Variants in STPG2 observed in about 807,000 individuals in gnomAD.
STPG2 encodes sperm-tail PG-rich repeat-containing protein 2.
Under a neutral mutation model 54.2 loss-of-function variants are expected in STPG2, and 56 were observed. The ratio of observed to expected loss-of-function variants is 1.03; its 90% confidence interval spans 0.83 to 1.29. STPG2 has a LOEUF of 1.29. Ranked by LOEUF, STPG2 falls within the 50% of genes most tolerant of loss-of-function variation. The probability of loss-of-function intolerance (pLI) is 0.00; values close to 1 mark genes in which losing one functional copy is unlikely to be tolerated. For synonymous variants in STPG2, 200 were observed against 181.8 expected, an observed-to-expected ratio of 1.10 and a Z score of -0.81; for missense variants, 596 against 544.9, an observed-to-expected ratio of 1.09 and a Z score of -0.93.
At chr4:98,012,037 G>A (rs868197708) in intron 5 of STPG2, among the ~76,000 whole-genome samples, 1 of 152,292 alleles carries the variant, frequency 6.6e-6, no homozygotes, top group Middle Eastern at 3.4e-3. Context: ...CCATGCCAAG[G>A]TCCTGAATGA....
intron 2 of STPG2, among the ~76,000 whole-genome samples, chr4:98,130,183 T>G (rs1046215322): frequency 3.3e-5 from 5 of 151,224 alleles, no homozygotes; most frequent in African/African-American, 1.2e-4. Flanking sequence ...AATATAATTT[T>G]TGGAGGGCGG....
intron 8 of STPG2, among the ~76,000 whole-genome samples, chr4:97,866,028 G>T (rs945843982): frequency 6.6e-6 from 1 of 151,748 alleles, no homozygotes; most frequent in Non-Finnish European, 1.5e-5. Context: ...CTTATTTGTG[G>T]GAGCTAAAAA....
chr4:97,587,332 G>T (rs950837446), intron 10 of STPG2, among the ~76,000 whole-genome samples: 1 of 151,812 alleles, frequency 6.6e-6, no homozygotes, highest in African/African-American at 2.4e-5. Flanking sequence ...TACCATTGTA[G>T]CCCACATTAC....
At chr4:97,447,348 C>A (rs1729249169) in intron 4 of STPG2, among the ~76,000 whole-genome samples, 1 of 152,158 alleles carries the variant, frequency 6.6e-6, no homozygotes, top group Non-Finnish European at 1.5e-5. Context: ...AAGCCATCTG[C>A]AGAAATTTGC....
At chr4:98,037,960 G>GATAT (rs1048762577) in intron 5 of STPG2, among the ~76,000 whole-genome samples, 34 of 152,224 alleles carry the variant, frequency 2.2e-4, no homozygotes, top group Admixed American at 9.8e-4. Flanking sequence ...TAAACAGAGA[G>GATAT]ATATAGCATG....
chr4:97,768,211 A>T (rs1726117585), intron 9 of STPG2, among the ~76,000 whole-genome samples: 1 of 152,190 alleles, frequency 6.6e-6, no homozygotes. Flanking sequence ...TACTAGGTTC[A>T]TGCAAATGAC....
intron 5 of STPG2, among the ~76,000 whole-genome samples, chr4:98,056,082 C>T (rs1737473314): frequency 6.6e-6 from 1 of 152,150 alleles, no homozygotes; most frequent in African/African-American, 2.4e-5. Flanking sequence ...CTTGCAACAC[C>T]AGCACATGTG....
chr4:97,976,733 A>AGCAATAAAATATGTAAG (rs1734512624), intron 6 of STPG2, among the ~76,000 whole-genome samples: 1 of 152,168 alleles, frequency 6.6e-6, no homozygotes, highest in Non-Finnish European at 1.5e-5. Context: ...CATTCTTACT[A>AGCAATAAAATATGTAAG]ATCCTTAAAA....
intron 9 of STPG2, among the ~76,000 whole-genome samples, chr4:97,736,249 C>A (rs146947633): frequency 6.6e-6 from 1 of 152,174 alleles, no homozygotes; most frequent in African/African-American, 2.4e-5. Context: ...CGAATAGGAA[C>A]AGCTCCAGTC....
intron 9 of STPG2, among the ~76,000 whole-genome samples, chr4:97,745,984 C>T (rs1227513820): frequency 1.3e-5 from 2 of 151,178 alleles, no homozygotes; most frequent in Non-Finnish European, 3.0e-5. Flanking sequence ...ATCTTTCAGG[C>T]TTAAGTATCT....
At chr4:98,022,191 G>C (rs1245989247) in intron 5 of STPG2, among the ~76,000 whole-genome samples, 1 of 151,980 alleles carries the variant, frequency 6.6e-6, no homozygotes, top group Admixed American at 6.6e-5. Flanking sequence ...CTTCCTTCAG[G>C]GGCTCTTTTA....
intron 4 of STPG2, among the ~76,000 whole-genome samples, chr4:97,538,649 C>A (rs962649471): frequency 2.0e-5 from 3 of 152,172 alleles, no homozygotes; most frequent in African/African-American, 7.2e-5. Flanking sequence ...CTTCCCCAAC[C>A]TAGCAAGGCA....
At chr4:98,026,636 C>A (rs915556831) in intron 5 of STPG2, among the ~76,000 whole-genome samples, 3 of 152,162 alleles carry the variant, frequency 2.0e-5, no homozygotes, top group Non-Finnish European at 2.9e-5. Flanking sequence ...GCCATTACTT[C>A]AGTTGATAAC....
intron 9 of STPG2, among the ~76,000 whole-genome samples, chr4:97,763,356 C>A (rs1447316970): frequency 6.6e-6 from 1 of 152,130 alleles, no homozygotes; most frequent in Non-Finnish European, 1.5e-5. Flanking sequence ...AATGATGTTA[C>A]ACACAAAAAT....
chr4:97,494,048 AC>A (rs1442661203), intron 4 of STPG2, among the ~76,000 whole-genome samples: 1 of 151,464 alleles, frequency 6.6e-6, no homozygotes, highest in Non-Finnish European at 1.5e-5. Context: ...ACACAAAAAA[AC>A]GTTTAAGAAA....
At chr4:97,538,587 G>GAAAACTTTCA (rs1263250775) in intron 4 of STPG2, among the ~76,000 whole-genome samples, 12 of 152,176 alleles carry the variant, frequency 7.9e-5, no homozygotes, top group Non-Finnish European at 1.6e-4. Context: ...GAAAGTGATG[G>GAAAACTTTCA]GGAGAATGGA....
At chr4:97,486,806 T>G (rs1168144987) in intron 4 of STPG2, among the ~76,000 whole-genome samples, 30 of 34,682 alleles carry the variant, frequency 8.7e-4, no homozygotes, top group African/African-American at 1.7e-3. Context: ...GAAACTGTGG[T>G]GTGTGTGTGT....
intron 5 of STPG2, among the ~76,000 whole-genome samples, chr4:98,013,565 C>T (rs1279032136): frequency 2.8e-5 from 4 of 143,022 alleles, no homozygotes; most frequent in African/African-American, 1.0e-4. Context: ...GGCTGTGAAT[C>T]CATCTGGTCC....
At chr4:97,660,428 C>A (rs1409191934) in intron 10 of STPG2, among the ~76,000 whole-genome samples, 2 of 152,172 alleles carry the variant, frequency 1.3e-5, no homozygotes, top group Admixed American at 6.5e-5. Flanking sequence ...TCATCACATA[C>A]AATGACTAGA....
Sources: gnomAD v4.1 joint callset for allele counts (sites outside exome capture counted in the v4.1 genomes callset) on GRCh38, gnomAD v4.1.1 for gene constraint, MANE v1.5 for transcripts, NCBI Gene and HGNC (gene_info 2026-07-23, HGNC 2026-07-21) for gene names.